RPRD2: variants seen among roughly 807,000 people sequenced by gnomAD.
RPRD2 encodes the protein regulation of nuclear pre-mRNA domain containing 2.
Under a neutral mutation model 104.4 loss-of-function variants are expected in RPRD2, and 12 were observed. The ratio of observed to expected loss-of-function variants is 0.11; its 90% CI spans 0.07 to 0.19. RPRD2 has a LOEUF of 0.19. Ranked by LOEUF, RPRD2 falls within the 10% of genes least tolerant of loss-of-function variation. The pLI is 1.00. For missense variants in RPRD2, 1,543 were observed against 1,790.1 expected (o/e 0.86, Z 2.49); for synonymous variants, 714 against 684.9 (o/e 1.04, Z -0.66).
At chr1:150,369,937 C>A (rs938391305) in intron 1 of RPRD2, among the ~76,000 whole-genome samples, 5 of 152,036 alleles carry the variant, frequency 3.3e-5, no homozygotes, top group African/African-American at 1.2e-4. Context: ...CATGCCACCA[C>A]GCCCAACTAA....
rs1668693379 is a variant in RPRD2 at position 150,472,934 on chromosome 1, G to C, written c.3986G>C (p.Ser1329Thr). ...GTGGCAGTATTTCCCAAGGACCATA[G>C]TTCCCTCCTTCAAGGGACCCTGGCT... ...GAVAVFPKDH[S>T]SLLQGTLAEH... The change falls in exon 11 of 11, where the codon AGT becomes ACT. Residue 1329 changes from serine to threonine, a missense_variant. Coordinates refer to ENST00000369068, the MANE Select transcript of RPRD2 (RefSeq NM_015203.5). 3.1e-6 allele frequency: 5 copies of C among 1,613,506 alleles called. No homozygotes were observed. Among genetic ancestry groups the C allele is most frequent in the Non-Finnish European group, 4.2e-6 (5 of 1,179,702 alleles).
intron 1 of RPRD2, among the ~76,000 whole-genome samples, chr1:150,398,422 TC>T (rs1662713451): frequency 6.6e-6 from 1 of 152,102 alleles, no homozygotes; most frequent in African/African-American, 2.4e-5. Flanking sequence ...GGTCTCGATC[TC>T]CTGACCTCGT....
intron 6 of RPRD2, among the ~76,000 whole-genome samples, 184 bp downstream of exon 6, chr1:150,444,561 C>G (rs1433072329): frequency 6.6e-6 from 1 of 152,052 alleles, no homozygotes; most frequent in Non-Finnish European, 1.5e-5. Flanking sequence ...GTTCTCATTT[C>G]TAGTACTTTC....
At position 150,473,412 on chromosome 1, in the gene RPRD2, A is replaced by G. The variant is rs1668731527; in HGVS notation, c.*78A>G. On this transcript the variant is annotated 3_prime_UTR_variant, in exon 11 of 11. Transcript: ENST00000369068. The stretch of plus-strand genomic sequence containing the variant: ...AGTTTGGTTTATTGTTGTTGTTTTT[A>G]TTTGTTTTCTCTTTCTCGATTTTTT... 3 of 1,393,996 alleles carry G rather than the reference A, an allele frequency of 2.2e-6. No individual in the cohort carries two copies. The highest frequency in any genetic ancestry group is 2.9e-6 in the Non-Finnish European group (3 of 1,040,064). 86.4% of individuals were successfully genotyped at this position (1,393,996 alleles called of 1,614,324 possible).
At position 150,473,417 on chromosome 1, in the gene RPRD2, T is replaced by C; in HGVS notation, c.*83T>C. On this transcript the variant is annotated 3_prime_UTR_variant, in exon 11 of 11. Transcript: ENST00000369068. Reference sequence around the variant, plus strand: ...GGTTTATTGTTGTTGTTTTTATTTGTTTTCTCTTTCTCGATTTTTTTTTTA... The same window carrying C: ...GGTTTATTGTTGTTGTTTTTATTTGCTTTCTCTTTCTCGATTTTTTTTTTA... 7.2e-7 allele frequency: 1 copy of C among 1,386,074 alleles called. No homozygotes were observed. Among genetic ancestry groups the C allele is most frequent in the Non-Finnish European group, 9.7e-7 (1 of 1,032,758 alleles). The allele number at this position is 1,386,074 out of a possible 1,614,324, so 85.9% of individuals were successfully genotyped here.
chr1:150,365,834 A>T (rs142072893), intron 1 of RPRD2, among the ~76,000 whole-genome samples: 6,143 of 152,076 alleles, frequency 0.04, 162 homozygotes, highest in Non-Finnish European at 0.065. Flanking sequence ...CAGGTGATCC[A>T]CCTGCCTCGG....
At position 150,460,025 on chromosome 1, in the gene RPRD2, G is replaced by A. The variant is rs1435042441; in HGVS notation, c.1154-35G>A. ...TATAGGAAGCAAAGTCTGGAAAGTAGTAGGATGTAATATCTCTTTTCTTTG... is the reference window on the plus strand; with the variant it reads ...TATAGGAAGCAAAGTCTGGAAAGTAATAGGATGTAATATCTCTTTTCTTTG... On this transcript the variant is annotated intron_variant, in intron 8 of 10. Coordinates refer to ENST00000369068, the MANE Select transcript of RPRD2 (RefSeq NM_015203.5). The A allele has an allele frequency of 2.5e-6, 4 of 1,603,680 alleles. No individual in the cohort carries two copies. In the African/African-American group the frequency reaches 4.0e-5, roughly 16 times the overall value.
At position 150,460,388 on chromosome 1, in the gene RPRD2, T is replaced by G. The variant is rs1302018337; in HGVS notation, c.1411+71T>G. On this transcript the variant is annotated intron_variant, in intron 9 of 10. Coordinates refer to ENST00000369068, the MANE Select transcript of RPRD2 (RefSeq NM_015203.5). ...TTAAATTGAATCATTAATCTGTTTT[T>G]GGGGGGGTTGTTGTTGTTGTTGTTG... is the stretch of plus-strand genomic sequence containing the variant. The G allele has an allele frequency of 8.5e-6, 12 of 1,405,994 alleles. No homozygotes were observed. The Admixed American group carries it at 8.6e-5, about 10-fold the overall frequency. 87.1% of individuals were successfully genotyped at this position (1,405,994 alleles called of 1,614,324 possible).
At chr1:150,366,692 C>T (rs1219764166) in intron 1 of RPRD2, among the ~76,000 whole-genome samples, 4 of 152,200 alleles carry the variant, frequency 2.6e-5, no homozygotes, top group African/African-American at 7.2e-5. Context: ...TAGGGTTTGA[C>T]TTCATCATTA....
In RPRD2 at chr1:150,441,905, A is replaced by G. The variant is rs781889653; in HGVS notation, c.461A>G (p.Gln154Arg). 4 of 1,613,234 alleles carry G rather than the reference A, an allele frequency of 2.5e-6. No individual in the cohort carries two copies. The Admixed American group carries it at 6.7e-5, about 27-fold the overall frequency. ...ALSTTFKTQKQLKENLNKQPN... is the reference protein window; with the variant it reads ...ALSTTFKTQKRLKENLNKQPN... ...GGTACCACTTTCAAAACTCAGAAGC[A>G]GCTGAAAGAAAATCTGAACAAACAA... The change falls in exon 4 of 11, where the codon CAG becomes CGG. Residue 154 changes from glutamine (Q) to arginine (R), a missense_variant. Around this residue, in one of 4 missense-constraint regions of RPRD2, gnomAD observed 572 missense variants for 787.3 expected, o/e 0.73. Coordinates refer to ENST00000369068, the MANE Select transcript of RPRD2 (RefSeq NM_015203.5).
chr1:150,388,375 C>CGTATACACATGTATATACGTGT (rs33946912), intron 1 of RPRD2, among the ~76,000 whole-genome samples: 10 of 142,962 alleles, frequency 7.0e-5, no homozygotes, highest in Admixed American at 3.7e-4. Context: ...CATGTATACA[C>CGTATACACATGTATATACGTGT]ATATACACGT....
chr1:150,472,763 C>T lies in RPRD2; in HGVS notation c.3815C>T (p.Pro1272Leu), dbSNP rs772588465. 33 of 1,611,136 alleles carry T rather than the reference C, an allele frequency of 2.0e-5. No individual in the cohort carries two copies. Among genetic ancestry groups the T allele is most frequent in the Non-Finnish European group, 2.8e-5 (33 of 1,177,438 alleles). ...GGAATTCCTTTCCCTACCCCACCTC[C>T]TCCTCCCCCTCCTGGGGAACATAGC... ...HSGIPFPTPPPPPPPGEHSSS... is the reference protein window; with the variant it reads ...HSGIPFPTPPLPPPPGEHSSS... The change falls in exon 11 of 11, where the codon CCT becomes CTT. Residue 1272 changes from proline (P) to leucine (L), a missense_variant. Physicochemically the swap from Pro to Leu is moderately conservative, Grantham distance 98. This residue lies in a region of RPRD2 where 880 missense variants were observed against 885.6 expected (regional missense o/e 0.99). Coordinates refer to ENST00000369068, the MANE Select transcript of RPRD2 (RefSeq NM_015203.5).
Position 150,473,094 on chromosome 1 carries a change from C to A in RPRD2, c.4146C>A (p.Pro1382=). 1 of 1,613,986 alleles carries A rather than the reference C, an allele frequency of 6.2e-7. No individual in the cohort carries two copies. The highest frequency in any genetic ancestry group is 1.1e-5 in the South Asian group (1 of 91,078). Reference sequence around the variant, plus strand: ...ATTCTCTGGAACACCTGGGCCCACCCCATGGAGGAGGAGGTGGGGGAGGCA... The same window carrying A: ...ATTCTCTGGAACACCTGGGCCCACCACATGGAGGAGGAGGTGGGGGAGGCA... ...PSHSLEHLGP[P]HGGGGGGGSN... is the part of the protein sequence containing the mutation. Residue 1382 remains proline, a synonymous_variant, in exon 11 of 11, where the codon CCC becomes CCA. Transcript: ENST00000369068.
chr1:150,388,074 G>A (rs1661734376), intron 1 of RPRD2, among the ~76,000 whole-genome samples: 1 of 151,450 alleles, frequency 6.6e-6, no homozygotes, highest in Non-Finnish European at 1.5e-5. Context: ...GCACTAGCAC[G>A]CCCAGCTAAT....
chr1:150,364,202 C>T lies in RPRD2; in HGVS notation c.-513C>T, dbSNP rs1659647142. On this transcript the variant is annotated 5_prime_UTR_variant, in exon 1 of 11. Transcript: ENST00000369068. ...TGCAAAAAAAATCCTGACTAGGTAG[C>T]CTTGGACCTTTTCTGTGCTAGCGAG... Among the ~76,000 whole-genome samples, 1 of 152,178 alleles carries T rather than the reference C, an allele frequency of 6.6e-6. No homozygotes were observed. Among genetic ancestry groups the T allele is most frequent in the Non-Finnish European group, 1.5e-5 (1 of 68,034 alleles).
intron 1 of RPRD2, among the ~76,000 whole-genome samples, chr1:150,371,436 T>A (rs1660289493): frequency 6.6e-6 from 1 of 152,216 alleles, no homozygotes; most frequent in Non-Finnish European, 1.5e-5. Context: ...CGATCGTGGC[T>A]CACTGCAAGC....
chr1:150,459,991 G>A, intron 8 of RPRD2, 69 bp from the exon 9 acceptor site: 2 of 1,456,762 alleles, frequency 1.4e-6, no homozygotes, highest in Non-Finnish European at 1.9e-6. Flanking sequence ...ATTAGGACAT[G>A]TTATTTCATA....
intron 10 of RPRD2, among the ~76,000 whole-genome samples, chr1:150,467,131 T>C (rs1668332834): frequency 6.6e-6 from 1 of 152,156 alleles, no homozygotes; most frequent in African/African-American, 2.4e-5. Flanking sequence ...AAAGGAGTGG[T>C]GTAAAACAGT....
At chr1:150,437,041 A>G (rs191453440) in intron 2 of RPRD2, among the ~76,000 whole-genome samples, 2 of 152,290 alleles carry the variant, frequency 1.3e-5, no homozygotes, top group East Asian at 3.8e-4. Context: ...CGTAGTCTCT[A>G]TTATTAAAAA....
Sources: gnomAD v4.1 joint callset for allele counts (sites outside exome capture counted in the v4.1 genomes callset) on GRCh38, gnomAD v4.1.1 for gene constraint, gnomAD v4.1.1 regional missense constraint, MANE v1.5 for transcripts, NCBI Gene and HGNC (gene_info 2026-07-23, HGNC 2026-07-21) for gene names.